GRM1: variants seen among roughly 807,000 people sequenced by gnomAD.
The protein encoded by GRM1 is glutamate metabotropic receptor 1, also known as metabotropic glutamate receptor 1.
In GRM1, 33 loss-of-function variants were observed where a neutral mutation model predicts 90.9. The ratio of observed to expected loss-of-function variants is 0.36; its 90% CI spans 0.28 to 0.49. The LOEUF is 0.49. Among genes scored for constraint, GRM1 ranks in the 20% least tolerant of loss-of-function variants. The pLI is 0.99. For missense variants in GRM1, 1,190 were observed against 1,534.3 expected (o/e 0.78, Z 3.75); for synonymous variants, 700 against 613.2 (o/e 1.14, Z -2.09).
chr6:146,252,409 G>A (rs150464883), intron 2 of GRM1, among the ~76,000 whole-genome samples: 3,245 of 151,960 alleles, frequency 0.021, 52 homozygotes, highest in Middle Eastern at 0.041. Context: ...AGGTCAAGGC[G>A]GGTGGATCAA....
rs1054480568 is a variant in GRM1 at position 146,326,523 on chromosome 6, G to A, written c.1186+21677G>A. Among the ~76,000 whole-genome samples the A allele has an allele frequency of 4.0e-5, 6 of 151,826 alleles. No homozygotes were observed. In the South Asian group the frequency reaches 1.2e-3, roughly 32 times the overall value. ...TAATACCTGGCTGGTGAAATAATCTGTACAATAAACCCCCAGAACACAAGT... is the reference window on the plus strand; with the variant it reads ...TAATACCTGGCTGGTGAAATAATCTATACAATAAACCCCCAGAACACAAGT... On this transcript the variant is annotated intron_variant, in intron 3 of 7. Coordinates refer to ENST00000282753, the MANE Select transcript of GRM1 (RefSeq NM_001278064.2).
chr6:146,129,267 A>AT (rs1776303344), intron 1 of GRM1, among the ~76,000 whole-genome samples: 1 of 152,218 alleles, frequency 6.6e-6, no homozygotes, highest in South Asian at 2.1e-4. Flanking sequence ...TACAGCTTGC[A>AT]TTATATAGAA....
At chr6:146,396,033 A>G (rs903469635) in intron 6 of GRM1, among the ~76,000 whole-genome samples, 1 of 151,060 alleles carries the variant, frequency 6.6e-6, no homozygotes, top group African/African-American at 2.4e-5. Context: ...CATATGGCCA[A>G]TGTTATTTTA....
Position 146,257,213 on chromosome 6 carries a change from C to T in GRM1, c.951-47398C>T, listed in dbSNP as rs565263100. 9.9e-4 allele frequency among the ~76,000 whole-genome samples: 151 copies of T among 152,136 alleles called. 1 individual carries two copies. The highest frequency in any genetic ancestry group is 3.4e-3 in the Middle Eastern group (1 of 294). On this transcript the variant is annotated intron_variant, in intron 2 of 7. Coordinates refer to ENST00000282753, the MANE Select transcript of GRM1 (RefSeq NM_001278064.2). The stretch of plus-strand genomic sequence containing the variant: ...AGACACATATAAGTGTATATATAGG[C>T]ATCCTTATTTTAAAATTTATAATGG...
intron 1 of GRM1, among the ~76,000 whole-genome samples, chr6:146,159,056 A>C (rs1273450256): frequency 1.3e-5 from 2 of 152,202 alleles, no homozygotes; most frequent in Admixed American, 1.3e-4. Context: ...TGGGACAAGA[A>C]CTATTAATAA....
intron 2 of GRM1, among the ~76,000 whole-genome samples, chr6:146,241,450 T>C (rs960210766): frequency 2.0e-5 from 3 of 152,122 alleles, no homozygotes; most frequent in African/African-American, 7.2e-5. Context: ...TTGGTATTCT[T>C]TTGTAATATT....
At chr6:146,343,003 A>G (rs1785037400) in intron 3 of GRM1, among the ~76,000 whole-genome samples, 2 of 151,042 alleles carry the variant, frequency 1.3e-5, no homozygotes, top group Non-Finnish European at 2.9e-5. Context: ...CCAGAATTCT[A>G]TCCAGGATAT....
chr6:146,056,366 G>GA (rs1234287987), intron 1 of GRM1, among the ~76,000 whole-genome samples: 1 of 151,826 alleles, frequency 6.6e-6, no homozygotes, highest in African/African-American at 2.4e-5. Flanking sequence ...CTTATTTAAA[G>GA]AAAAAAATAG....
chr6:146,257,320 G>A (rs761439824), intron 2 of GRM1, among the ~76,000 whole-genome samples: 51 of 152,170 alleles, frequency 3.4e-4, no homozygotes, highest in South Asian at 2.1e-4. Context: ...GCCCCATAGT[G>A]GCTGTGTAGC....
chr6:146,273,262 G>A (rs890314971), intron 2 of GRM1, among the ~76,000 whole-genome samples: 20 of 152,052 alleles, frequency 1.3e-4, no homozygotes, highest in African/African-American at 4.1e-4. Context: ...TGGTGTAGGG[G>A]CTTCCTTGGT....
intron 2 of GRM1, among the ~76,000 whole-genome samples, chr6:146,260,166 C>T (rs1490281231): frequency 6.6e-6 from 1 of 151,932 alleles, no homozygotes; most frequent in Non-Finnish European, 1.5e-5. Flanking sequence ...CCTAGGCCCC[C>T]ACCCCTCAAC....
chr6:146,042,594 T>C (rs527900874), intron 1 of GRM1, among the ~76,000 whole-genome samples: 2 of 152,052 alleles, frequency 1.3e-5, no homozygotes, highest in South Asian at 4.2e-4. Flanking sequence ...GAAAACAACA[T>C]TTGGTAGCCT....
At chr6:146,139,803 C>T (rs1261066147) in intron 1 of GRM1, among the ~76,000 whole-genome samples, 1 of 152,086 alleles carries the variant, frequency 6.6e-6, no homozygotes, top group Non-Finnish European at 1.5e-5. Flanking sequence ...GTCGACTTAA[C>T]ATTCAGTGTT....
intron 5 of GRM1, among the ~76,000 whole-genome samples, chr6:146,374,928 C>CT (rs573775461): frequency 9.9e-5 from 15 of 151,906 alleles, no homozygotes; most frequent in East Asian, 3.9e-4. Context: ...TTTTCTCTTG[C>CT]TTTTTTAGTT....
At chr6:146,263,816 A>AT (rs1781781006) in intron 2 of GRM1, among the ~76,000 whole-genome samples, 1 of 152,058 alleles carries the variant, frequency 6.6e-6, no homozygotes, top group African/African-American at 2.4e-5. Context: ...TGGATCTTTA[A>AT]TTTTCTCATG....
intron 3 of GRM1, among the ~76,000 whole-genome samples, chr6:146,338,622 C>T (rs548565231): frequency 4.6e-5 from 7 of 152,188 alleles, no homozygotes; most frequent in Non-Finnish European, 8.8e-5. Context: ...CTATGCTAAA[C>T]GTCTATAGGA....
chr6:146,242,698 A>G (rs991651747), intron 2 of GRM1, among the ~76,000 whole-genome samples: 2 of 152,078 alleles, frequency 1.3e-5, no homozygotes, highest in Non-Finnish European at 2.9e-5. Context: ...GAAAATGAAC[A>G]GTGGGTAGCT....
chr6:146,274,717 A>G (rs1248068778), intron 2 of GRM1, among the ~76,000 whole-genome samples: 1 of 152,204 alleles, frequency 6.6e-6, no homozygotes, highest in Admixed American at 6.5e-5. Context: ...TAGTAAAAGA[A>G]TGCCTGCTTT....
At chr6:146,243,673 A>G (rs1243574161) in intron 2 of GRM1, among the ~76,000 whole-genome samples, 1 of 152,120 alleles carries the variant, frequency 6.6e-6, no homozygotes, top group Non-Finnish European at 1.5e-5. Flanking sequence ...TGAAATTAAA[A>G]ATGCTAATGA....
Sources: gnomAD v4.1 joint callset for allele counts (sites outside exome capture counted in the v4.1 genomes callset) on GRCh38, gnomAD v4.1.1 for gene constraint, MANE v1.5 for transcripts, NCBI Gene and HGNC (gene_info 2026-07-23, HGNC 2026-07-21) for gene names.